Variants in CPS1 observed in about 807,000 individuals in gnomAD.
CPS1 encodes the protein carbamoyl-phosphate synthase 1.
A neutral mutation model predicts 174.6 loss-of-function variants in CPS1; 109 were observed. That is an observed-to-expected ratio of 0.62 (90% CI 0.53 to 0.73). The LOEUF (loss-of-function observed/expected upper bound fraction) is 0.73, where lower values mean the gene tolerates loss of function less well. CPS1 is among the 30% of genes least tolerant of loss of function. The pLI, the probability that CPS1 is intolerant of heterozygous loss-of-function variation, is 0.00. For synonymous variants in CPS1, 637 were observed against 632.0 expected (o/e 1.01, Z -0.12); for missense variants, 1,689 against 1,821.9 (o/e 0.93, Z 1.33).
chr2:210,579,510 C>T (rs528740424), intron 4 of CPS1, among the ~76,000 whole-genome samples: 24 of 152,116 alleles, frequency 1.6e-4, no homozygotes, highest in African/African-American at 2.9e-4. Flanking sequence ...TGAGAAAGAA[C>T]CTGGGTATTA....
chr2:210,600,585 AG>A lies in CPS1; in HGVS notation c.1582del (p.Glu528AsnfsTer4). 6.2e-7 allele frequency: 1 copy of A among 1,612,242 alleles called. No homozygotes were observed. The highest frequency in any genetic ancestry group is 8.5e-7 in the Non-Finnish European group (1 of 1,178,830). ...GVELFKRGVL[K>X]EYGVKVLGTS... ...GAACTATTCAAGAGAGGTGTGCTCA[AG>A]GAATATGGTGTGAAAGTCCTGGGAA... On this transcript the variant is annotated frameshift_variant, in exon 15 of 38. Transcript: ENST00000233072. LOFTEE classifies it high-confidence loss of function.
intron 34 of CPS1, 34 bp downstream of exon 34, chr2:210,668,318 T>A: frequency 7.1e-7 from 1 of 1,398,628 alleles, no homozygotes; most frequent in Non-Finnish European, 1.0e-6. Flanking sequence ...TTGCCCATGG[T>A]CATACATGGT....
chr2:210,499,788 G>A (rs572394686), intron 1 of CPS1, among the ~76,000 whole-genome samples: 5 of 152,200 alleles, frequency 3.3e-5, no homozygotes, highest in Admixed American at 1.3e-4. Flanking sequence ...CCCCTCTCAC[G>A]TACTGGGGCT....
chr2:210,513,769 A>G (rs745578215), intron 1 of CPS1, among the ~76,000 whole-genome samples: 5 of 152,028 alleles, frequency 3.3e-5, no homozygotes, highest in African/African-American at 4.8e-5. Flanking sequence ...CCCAAGGCCA[A>G]TGTCCAGAAT....
In CPS1 at chr2:210,537,039, C is replaced by T. The variant is rs186064686; in HGVS notation, c.4-19680C>T. ...CCAAAAAGATATAAAGTCCACCATT[C>T]ACTTCCTTAATGATACCAGATGCAT... is the stretch of plus-strand genomic sequence containing the variant. On this transcript the variant is annotated intron_variant, in intron 1 of 38. Coordinates refer to the CPS1 transcript ENST00000430249. 1.2e-4 allele frequency among the ~76,000 whole-genome samples: 19 copies of T among 152,252 alleles called. No individual in the cohort carries two copies. The East Asian group carries it at 3.7e-3, about 29-fold the overall frequency.
At chr2:210,486,149 CACACACACA>C (rs1210039841) in intron 1 of CPS1, among the ~76,000 whole-genome samples, 3,243 of 135,356 alleles carry the variant, frequency 0.024, 102 homozygotes, top group African/African-American at 0.079. Context: ...CACACACACA[CACACACACA>C]CCCTGTATAT....
intron 21 of CPS1, among the ~76,000 whole-genome samples, chr2:210,636,396 C>T (rs1559119480): frequency 6.6e-6 from 1 of 150,834 alleles, no homozygotes; most frequent in Non-Finnish European, 1.5e-5. Flanking sequence ...ATTATATTTA[C>T]ATTTAATTTA....
intron 19 of CPS1, among the ~76,000 whole-genome samples, chr2:210,610,119 A>G (rs920019163): frequency 6.6e-6 from 1 of 152,002 alleles, no homozygotes; most frequent in Non-Finnish European, 1.5e-5. Flanking sequence ...ATAGAACGCA[A>G]ATACCATGAA....
intron 1 of CPS1, among the ~76,000 whole-genome samples, chr2:210,560,600 G>A (rs547029837): frequency 6.6e-6 from 1 of 152,076 alleles, no homozygotes; most frequent in African/African-American, 2.4e-5. Flanking sequence ...ATGAGCACTG[G>A]TAGTCATTAT....
At chr2:210,485,465 A>G (rs543660796) in intron 1 of CPS1, among the ~76,000 whole-genome samples, 1 of 152,222 alleles carries the variant, frequency 6.6e-6, no homozygotes, top group African/African-American at 2.4e-5. Flanking sequence ...GCCATGGACA[A>G]TCACTGATCT....
chr2:210,591,921 T>G lies in CPS1; in HGVS notation c.1038T>G (p.Pro346=), dbSNP rs2106111216. ...NHGYALDNTL[P]AGWKPLFVNV... ...GCTATGCCTTGGACAACACCCTCCC[T>G]GCTGGCTGGAAACCACTTTTTGTGA... Residue 346 remains proline (P), a synonymous_variant, in exon 10 of 38, where the codon CCT becomes CCG. Coordinates refer to ENST00000233072, the MANE Select transcript of CPS1 (RefSeq NM_001875.5). The G allele has an allele frequency of 6.2e-7, 1 of 1,612,320 alleles. No homozygotes were observed. The highest frequency in any genetic ancestry group is 8.5e-7 in the Non-Finnish European group (1 of 1,179,000).
intron 19 of CPS1, among the ~76,000 whole-genome samples, chr2:210,611,067 A>C (rs190241761): frequency 1.3e-5 from 2 of 152,022 alleles, no homozygotes; most frequent in East Asian, 3.9e-4. Context: ...CTATAAACAT[A>C]TTGTCTAACT....
chr2:210,602,941 A>G (rs1698777122), intron 16 of CPS1, among the ~76,000 whole-genome samples: 2 of 152,034 alleles, frequency 1.3e-5, no homozygotes, highest in African/African-American at 2.4e-5. Flanking sequence ...TCACTTTAAC[A>G]TATTAGGAAC....
rs1220254817 is a variant in CPS1, at chr2:210,590,111, A to G, written c.717A>G (p.Gly239=). The change falls in exon 8 of 38, where the codon GGA becomes GGG. Residue 239 remains glycine, a synonymous_variant. Coordinates refer to ENST00000233072, the MANE Select transcript of CPS1 (RefSeq NM_001875.5). ...TTCTTGTGTCTCTTTTCCAGCGAGG[A>G]GCTGAAGTGCACTTAGTTCCCTGGA... ...NNVIRLLVKR[G]AEVHLVPWNH... is the part of the protein sequence containing the mutation. 6.2e-7 allele frequency: 1 copy of G among 1,612,724 alleles called. No individual in the cohort carries two copies. The highest frequency in any genetic ancestry group is 8.5e-7 in the Non-Finnish European group (1 of 1,179,082).
chr2:210,621,780 A>G (rs965803332), intron 21 of CPS1, among the ~76,000 whole-genome samples: 2 of 152,132 alleles, frequency 1.3e-5, no homozygotes, highest in Non-Finnish European at 2.9e-5. Flanking sequence ...CAAATAATGA[A>G]TTTATAACTC....
chr2:210,542,256 G>A (rs142975336), intron 1 of CPS1, among the ~76,000 whole-genome samples: 208 of 152,138 alleles, frequency 1.4e-3, no homozygotes, highest in Non-Finnish European at 2.2e-3. Flanking sequence ...CCATGTGCAT[G>A]GACATTCTGA....
intron 1 of CPS1, among the ~76,000 whole-genome samples, chr2:210,545,967 A>G (rs1387485023): frequency 6.6e-6 from 1 of 152,070 alleles, no homozygotes; most frequent in East Asian, 1.9e-4. Context: ...CTGGAGAGGA[A>G]TATTGATTTA....
chr2:210,637,597 G>A, intron 21 of CPS1, 105 bp from the exon 22 acceptor site: 3 of 1,160,828 alleles, frequency 2.6e-6, no homozygotes, highest in South Asian at 1.3e-5. Context: ...AAATATGTTT[G>A]AAGGTGGAAA....
intron 1 of CPS1, among the ~76,000 whole-genome samples, chr2:210,530,810 T>C (rs909649744): frequency 2.6e-5 from 4 of 151,858 alleles, no homozygotes; most frequent in African/African-American, 9.7e-5. Flanking sequence ...CTGGAGGACT[T>C]GTTAAAAATA....
Sources: gnomAD v4.1 joint callset for allele counts (sites outside exome capture counted in the v4.1 genomes callset) on GRCh38, gnomAD v4.1.1 for gene constraint, MANE v1.5 for transcripts, NCBI Gene and HGNC (gene_info 2026-07-23, HGNC 2026-07-21) for gene names.